The following TGM2 variants were observed in gnomAD, a reference collection of about 807,000 sequenced individuals.
The protein encoded by TGM2 is transglutaminase 2.
Under a neutral mutation model 75.6 loss-of-function variants are expected in TGM2, and 53 were observed. The ratio of observed to expected loss-of-function variants is 0.70; its 90% CI spans 0.56 to 0.88. The LOEUF (loss-of-function observed/expected upper bound fraction) is 0.88, where lower values mean the gene tolerates loss of function less well. Ranked by LOEUF, TGM2 falls within the 40% of genes least tolerant of loss-of-function variation. The pLI, the probability that TGM2 is intolerant of heterozygous loss-of-function variation, is 0.00. For synonymous variants in TGM2, 374 were observed against 381.1 expected, an observed-to-expected ratio of 0.98 and a Z score of 0.22; for missense variants, 842 against 928.5, an observed-to-expected ratio of 0.91 and a Z score of 1.21.
Position 38,130,217 on chromosome 20 carries a change from C to T in TGM2, c.*2G>A, listed in dbSNP as rs775164986. ...TCTCAGCAGGCTGGGAGCAGGGGTC[C>T]CTTAGGCGGGGCCAATGATGACATT... On this transcript the variant is annotated 3_prime_UTR_variant, in exon 13 of 13. Transcript: ENST00000361475. The T allele has an allele frequency of 1.2e-6, 2 of 1,613,338 alleles. No homozygotes were observed. Among genetic ancestry groups the T allele is most frequent in the African/African-American group, 1.3e-5 (1 of 75,046 alleles).
chr20:38,138,007 A>G (rs1480591245), intron 10 of TGM2, 106 bp downstream of exon 10: 2 of 1,488,650 alleles, frequency 1.3e-6, no homozygotes, highest in Non-Finnish European at 1.8e-6. Context: ...AGTCAGCGCC[A>G]TGTAAGTGTC....
At chr20:38,156,821 C>T (rs562429002) in intron 2 of TGM2, among the ~76,000 whole-genome samples, 31 of 152,336 alleles carry the variant, frequency 2.0e-4, no homozygotes, top group African/African-American at 5.8e-4. Context: ...CAGAGCAAAG[C>T]GGTCTCCCAA....
chr20:38,141,212 G>A, intron 8 of TGM2, 70 bp downstream of exon 8: 1 of 1,332,826 alleles, frequency 7.5e-7, no homozygotes, highest in Non-Finnish European at 1.0e-6. Context: ...CCGCCCTCCA[G>A]CTGAGTCACT....
rs778660866 is a variant in TGM2 at position 38,139,415 on chromosome 20, C to T, written c.1339G>A (p.Glu447Lys). The T allele has an allele frequency of 2.5e-6, 4 of 1,614,040 alleles. No individual in the cohort carries two copies. The African/African-American group carries it at 5.3e-5, about 22-fold the overall frequency. ...EDITHTYKYP[E>K]GSSEEREAFT... ...TAAAGACTCTGAGGGCACATACCCT[C>T]TGGGTATTTGTAGGTGTGGGTGATA... The change falls in exon 9 of 13, where the codon GAG (glutamate) becomes AAG (lysine). Residue 447 changes from glutamate (E) to lysine (K), a missense_variant. Coordinates refer to ENST00000361475, the MANE Select transcript of TGM2 (RefSeq NM_004613.4).
At chr20:38,139,113 T>C (rs1229699700) in intron 9 of TGM2, among the ~76,000 whole-genome samples, 1 of 152,222 alleles carries the variant, frequency 6.6e-6, no homozygotes, top group Admixed American at 6.5e-5. Context: ...CCATATTGAA[T>C]TGGCTGTTCG....
At chr20:38,131,363 C>A (rs1004494213) in intron 11 of TGM2, 134 bp from the exon 12 acceptor site, 7 of 1,251,828 alleles carry the variant, frequency 5.6e-6, no homozygotes, top group East Asian at 5.0e-5. Context: ...CCCCTCCCCC[C>A]ACCTCTGTGC....
intron 1 of TGM2, among the ~76,000 whole-genome samples, chr20:38,163,805 A>T (rs779740865): frequency 1.3e-4 from 20 of 152,210 alleles, no homozygotes; most frequent in Non-Finnish European, 2.2e-4. Context: ...CTTCAGACCC[A>T]GGGAGCTTGA....
At chr20:38,149,122 C>T (rs375488422) in intron 4 of TGM2, among the ~76,000 whole-genome samples, 22 of 152,308 alleles carry the variant, frequency 1.4e-4, no homozygotes, top group African/African-American at 4.8e-4. Flanking sequence ...CTCTCAGGCA[C>T]GACATAAACT....
At chr20:38,149,690 A>ACAAAAAAAAAAAC (rs2075093052) in intron 4 of TGM2, among the ~76,000 whole-genome samples, 1 of 148,898 alleles carries the variant, frequency 6.7e-6, no homozygotes, top group African/African-American at 2.5e-5. Context: ...AAAAAAAAAA[A>ACAAAAAAAAAAAC]AAAAAAAAAA....
intron 4 of TGM2, among the ~76,000 whole-genome samples, chr20:38,148,336 G>A (rs1009967654): frequency 2.0e-5 from 3 of 152,210 alleles, no homozygotes; most frequent in African/African-American, 7.2e-5. Flanking sequence ...CCAGGGCCTG[G>A]TTGGGGGAAC....
At chr20:38,166,650 T>C (rs949802482), upstream of TGM2, 4 of 152,174 alleles carry the variant, frequency 2.6e-5, no homozygotes, top group Non-Finnish European at 5.9e-5. Flanking sequence ...TCTACATCTA[T>C]TGATGAATTT....
intron 1 of TGM2, 31 bp downstream of exon 1, chr20:38,165,158 G>C: frequency 6.2e-7 from 1 of 1,613,410 alleles, no homozygotes; most frequent in East Asian, 2.2e-5. Flanking sequence ...CGGGGCCCCT[G>C]AGTGGCGGCT....
At chr20:38,165,108 T>C in intron 1 of TGM2, 81 bp downstream of exon 1, 2 of 1,606,910 alleles carry the variant, frequency 1.2e-6, no homozygotes, top group South Asian at 2.2e-5. Context: ...AATCAGGACT[T>C]AGGGATTCAG....
At chr20:38,141,912 C>T in intron 7 of TGM2, 152 bp downstream of exon 7, 1 of 896,902 alleles carries the variant, frequency 1.1e-6, no homozygotes, top group Non-Finnish European at 1.7e-6. Flanking sequence ...ATGTGGTTGA[C>T]TTTCCCTCTA....
In TGM2 at chr20:38,161,602, A is replaced by T. The variant is rs774983194; in HGVS notation, c.11-3T>A. 1.9e-6 allele frequency: 3 copies of T among 1,614,018 alleles called. No homozygotes were observed. Among genetic ancestry groups the T allele is most frequent in the Admixed American group, 1.7e-5 (1 of 59,998 alleles). ...ATCACACCTCTCTAAGACCAGCTCT[A>T]TGGAAACAGAAGGAGACGCATGAGC... On this transcript the variant is annotated splice_polypyrimidine_tract_variant and splice_region_variant and intron_variant, in intron 1 of 12. Transcript: ENST00000361475.
At chr20:38,146,463 G>GGC (rs2075045200) in intron 6 of TGM2, 2 of 570,744 alleles carry the variant, frequency 3.5e-6, no homozygotes, top group Non-Finnish European at 6.3e-6. Context: ...TGAGAACGTG[G>GGC]GCTCCAGTGC....
At chr20:38,151,277 A>G (rs2075113298) in intron 3 of TGM2, among the ~76,000 whole-genome samples, 2 of 152,168 alleles carry the variant, frequency 1.3e-5, no homozygotes, top group South Asian at 4.1e-4. Flanking sequence ...TTCAACACTC[A>G]CTGTGTGCCA....
At position 38,151,046 on chromosome 20, in the gene TGM2, A is replaced by G; in HGVS notation, c.445T>C (p.Tyr149His). The change falls in exon 4 of 13, where the codon TAC (tyrosine) becomes CAC (histidine). Residue 149 changes from tyrosine to histidine, a missense_variant. Transcript: ENST00000361475. ...FNAWCPADAV[Y>H]LDSEEERQEY... ...TGCCGCTCCTCTTCCGAGTCCAGGT[A>G]CACAGCATCCGCTGCAGGCAGGAAG... is the stretch of plus-strand genomic sequence containing the variant. The G allele has an allele frequency of 3.1e-6, 5 of 1,613,918 alleles. No homozygotes were observed. Among genetic ancestry groups the G allele is most frequent in the Non-Finnish European group, 4.2e-6 (5 of 1,179,770 alleles).
In TGM2 at chr20:38,138,162, G is replaced by A. The variant is rs747829365; in HGVS notation, c.1566C>T (p.Pro522=). 5 of 1,604,074 alleles carry A rather than the reference G, an allele frequency of 3.1e-6. No homozygotes were observed. The highest frequency in any genetic ancestry group is 4.3e-6 in the Non-Finnish European group (5 of 1,175,418). ...RTVSYNGILG[P]ECGTKYLLNL... ...TGAGCAGGTACTTGGTGCCACACTC[G>A]GGCCCCAAGATCCCATTGTAGCTGA... Residue 522 remains proline, a synonymous_variant, in exon 10 of 13, where the codon CCC becomes CCT. Transcript: ENST00000361475.
Sources: allele counts gnomAD v4.1 joint callset (sites outside exome capture counted in the v4.1 genomes callset), GRCh38; gene constraint gnomAD v4.1.1; transcripts MANE v1.5; gene names NCBI Gene and HGNC (gene_info 2026-07-23, HGNC 2026-07-21).